Variants in DOCK5 observed in about 807,000 individuals in gnomAD.
DOCK5 encodes the protein dedicator of cytokinesis 5.
A neutral mutation model predicts 251.8 loss-of-function variants in DOCK5; 142 were observed. That is an observed-to-expected ratio of 0.56 (90% confidence interval 0.49 to 0.65). The LOEUF (loss-of-function observed/expected upper bound fraction) is 0.65. Among genes scored for constraint, DOCK5 ranks in the 30% least tolerant of loss-of-function variants. The pLI, the probability that DOCK5 is intolerant of heterozygous loss-of-function variation, is 0.00. For missense variants in DOCK5, 2,111 were observed against 2,312.3 expected (o/e 0.91, Z 1.79); for synonymous variants, 842 against 835.5 (o/e 1.01, Z -0.13).
chr8:25,369,516 G>T, intron 33 of DOCK5, 40 bp from the exon 34 acceptor site: 1 of 1,560,942 alleles, frequency 6.4e-7, no homozygotes, highest in Non-Finnish European at 8.7e-7. Context: ...TTCTTCTAAG[G>T]ATGCAACATT....
chr8:25,239,935 G>T (rs1040280348), intron 1 of DOCK5, among the ~76,000 whole-genome samples: 15 of 152,172 alleles, frequency 9.9e-5, no homozygotes, highest in Non-Finnish European at 1.5e-5. Flanking sequence ...CAGGTGGCTG[G>T]ACGTGTGCTC....
intron 33 of DOCK5, 103 bp downstream of exon 33, chr8:25,368,828 C>A: frequency 8.3e-7 from 1 of 1,202,500 alleles, no homozygotes. Context: ...AATGCAAGTC[C>A]ATGTTGATCT....
chr8:25,389,531 G>A (rs950089200), intron 41 of DOCK5, among the ~76,000 whole-genome samples: 6 of 152,192 alleles, frequency 3.9e-5, no homozygotes, highest in African/African-American at 1.4e-4. Context: ...GGATTCTGTT[G>A]TAGACTTTGA....
intron 3 of DOCK5, among the ~76,000 whole-genome samples, chr8:25,270,284 G>A: frequency 6.6e-6 from 1 of 152,072 alleles, no homozygotes; most frequent in Non-Finnish European, 1.5e-5. Context: ...GTCAAATAGG[G>A]GTCCAAGACA....
intron 4 of DOCK5, chr8:25,277,187 G>T: frequency 6.5e-6 from 1 of 154,126 alleles, no homozygotes; most frequent in South Asian, 1.8e-4. Context: ...GTCTGTAACT[G>T]ATAATAGGGC....
intron 1 of DOCK5, among the ~76,000 whole-genome samples, chr8:25,191,165 T>TA (rs1563301770): frequency 6.6e-6 from 1 of 151,604 alleles, no homozygotes; most frequent in Admixed American, 6.6e-5. Context: ...ACGTTCAGAA[T>TA]GGGGGGGGTC....
At chr8:25,366,168 A>G (rs1444891773) in intron 30 of DOCK5, among the ~76,000 whole-genome samples, 1 of 152,176 alleles carries the variant, frequency 6.6e-6, no homozygotes, top group African/African-American at 2.4e-5. Context: ...TAACACTGTG[A>G]TGGACTTCCT....
intron 1 of DOCK5, among the ~76,000 whole-genome samples, chr8:25,197,750 ATTTTTT>A (rs71214555): frequency 2.1e-5 from 2 of 95,770 alleles, no homozygotes; most frequent in East Asian, 5.8e-4. Context: ...TGCCAAGCTA[ATTTTTT>A]TTTTTTTTTT....
At chr8:25,346,971 GA>G (rs996371616) in intron 26 of DOCK5, among the ~76,000 whole-genome samples, 23 of 151,336 alleles carry the variant, frequency 1.5e-4, no homozygotes, top group African/African-American at 5.3e-4. Flanking sequence ...TGAGGGCTGA[GA>G]AAAAAAAAGC....
chr8:25,197,564 C>CGTTA (rs1554515093), intron 1 of DOCK5, among the ~76,000 whole-genome samples: 3 of 131,686 alleles, frequency 2.3e-5, no homozygotes, highest in African/African-American at 5.9e-5. Flanking sequence ...CTTTAAGGAT[C>CGTTA]GTGTCTTTGT....
At chr8:25,314,978 T>C (rs77677225) in intron 13 of DOCK5, among the ~76,000 whole-genome samples, 4,241 of 149,132 alleles carry the variant, frequency 0.028, 206 homozygotes, top group African/African-American at 0.098. Context: ...TGCCGTAGCT[T>C]CCTACCTGGT....
chr8:25,338,084 C>A (rs570831745), intron 22 of DOCK5, among the ~76,000 whole-genome samples: 103 of 152,100 alleles, frequency 6.8e-4, no homozygotes, highest in Non-Finnish European at 1.2e-3. Context: ...GGCTCTGTCA[C>A]CCAGGCGAGA....
chr8:25,326,864 A>G (rs1489471540), intron 18 of DOCK5, among the ~76,000 whole-genome samples: 1 of 152,202 alleles, frequency 6.6e-6, no homozygotes, highest in African/African-American at 2.4e-5. Flanking sequence ...ACGTTTTATA[A>G]TATAATTAAG....
At chr8:25,392,029 C>T (rs6991928) in intron 43 of DOCK5, 49 bp downstream of exon 43, 473,154 of 1,552,914 alleles carry the variant, frequency 0.3, 72,421 homozygotes, top group Middle Eastern at 0.34. Context: ...ACGGGCTGAG[C>T]ACGGTGGCTC....
At chr8:25,296,811 T>C (rs1804627857) in intron 7 of DOCK5, among the ~76,000 whole-genome samples, 163 bp downstream of exon 7, 1 of 152,122 alleles carries the variant, frequency 6.6e-6, no homozygotes, top group African/African-American at 2.4e-5. Flanking sequence ...TATATATATA[T>C]ATATGTTCTG....
At chr8:25,259,758 G>A (rs1803522845) in intron 2 of DOCK5, among the ~76,000 whole-genome samples, 1 of 152,146 alleles carries the variant, frequency 6.6e-6, no homozygotes, top group Non-Finnish European at 1.5e-5. Context: ...ACCGCACCTG[G>A]CCTCCTTTGT....
intron 1 of DOCK5, among the ~76,000 whole-genome samples, chr8:25,198,761 A>G (rs1170154938): frequency 6.6e-6 from 1 of 152,182 alleles, no homozygotes; most frequent in Non-Finnish European, 1.5e-5. Flanking sequence ...AAAGTCACAC[A>G]GCTAGTAGCA....
Position 25,227,489 on chromosome 8 carries a change from T to C in DOCK5, c.44-16185T>C, listed in dbSNP as rs150145640. 1.6e-3 allele frequency among the ~76,000 whole-genome samples: 240 copies of C among 152,326 alleles called. No homozygotes were observed. In the Middle Eastern group the frequency reaches 0.017, roughly 11 times the overall value. Reference sequence around the variant, plus strand: ...ATATTTTCTTATTTGATTCCATTGATTTATTTTTTTATTTCTGTGTCAGTG... The same window carrying C: ...ATATTTTCTTATTTGATTCCATTGACTTATTTTTTTATTTCTGTGTCAGTG... On this transcript the variant is annotated intron_variant, in intron 1 of 51. Transcript: ENST00000276440.
At chr8:25,246,242 C>T (rs1189755867) in intron 2 of DOCK5, among the ~76,000 whole-genome samples, 3 of 152,112 alleles carry the variant, frequency 2.0e-5, no homozygotes, top group Non-Finnish European at 4.4e-5. Context: ...GCTTCTCAGC[C>T]ACTCAGGAAT....
Sources: allele counts gnomAD v4.1 joint callset (sites outside exome capture counted in the v4.1 genomes callset), GRCh38; gene constraint gnomAD v4.1.1; transcripts MANE v1.5; gene names NCBI Gene and HGNC (gene_info 2026-07-23, HGNC 2026-07-21).